Variants in MACROD2 observed in about 807,000 individuals in gnomAD.
MACROD2 encodes mono-ADP ribosylhydrolase 2.
MACROD2 carries 36 observed loss-of-function variants against 70.4 expected under a neutral mutation model. That is an observed-to-expected ratio of 0.51 (90% CI 0.39 to 0.68). The LOEUF is 0.68. MACROD2 is among the 30% of genes least tolerant of loss of function. The pLI is 0.00. For synonymous variants in MACROD2, 172 were observed against 178.8 expected, an observed-to-expected ratio of 0.96 and a Z score of 0.30; for missense variants, 496 against 538.4, an observed-to-expected ratio of 0.92 and a Z score of 0.78.
At chr20:15,358,844 T>A (rs1015474249) in intron 6 of MACROD2, among the ~76,000 whole-genome samples, 1 of 151,780 alleles carries the variant, frequency 6.6e-6, no homozygotes, top group Non-Finnish European at 1.5e-5. Context: ...AATTCCAACA[T>A]GAATGTGCCA....
chr20:15,081,290 C>T (rs1474301575), intron 5 of MACROD2, among the ~76,000 whole-genome samples: 4 of 152,162 alleles, frequency 2.6e-5, no homozygotes, highest in Non-Finnish European at 4.4e-5. Context: ...GCTATTTTGT[C>T]ATTACAACAA....
intron 7 of MACROD2, among the ~76,000 whole-genome samples, chr20:15,453,113 T>C (rs2046666251): frequency 6.6e-6 from 1 of 152,168 alleles, no homozygotes; most frequent in East Asian, 1.9e-4. Context: ...GTTTAGTCTT[T>C]ATTCAGAGGC....
At chr20:14,856,925 A>G (rs2122337799) in intron 5 of MACROD2, among the ~76,000 whole-genome samples, 1 of 152,222 alleles carries the variant, frequency 6.6e-6, no homozygotes, top group Admixed American at 6.5e-5. Context: ...GGTCTTCACA[A>G]TATATAATGT....
At chr20:15,301,817 T>C (rs77699041) in intron 6 of MACROD2, among the ~76,000 whole-genome samples, 8,722 of 152,046 alleles carry the variant, frequency 0.057, 846 homozygotes, top group African/African-American at 0.2. Context: ...TAGGCAGTTA[T>C]TTAGCTTTCC....
chr20:14,670,022 A>G (rs1600520538), intron 4 of MACROD2, among the ~76,000 whole-genome samples: 1 of 152,146 alleles, frequency 6.6e-6, no homozygotes, highest in East Asian at 1.9e-4. Flanking sequence ...GCTCTTGAGA[A>G]AGAACTGAAT....
At chr20:15,471,690 A>C (rs959183621) in intron 7 of MACROD2, among the ~76,000 whole-genome samples, 11 of 151,874 alleles carry the variant, frequency 7.2e-5, no homozygotes, top group African/African-American at 2.7e-4. Flanking sequence ...CTTCTTTTCC[A>C]CCACATTTTT....
At chr20:15,452,883 G>A (rs1242633370) in intron 7 of MACROD2, among the ~76,000 whole-genome samples, 2 of 152,164 alleles carry the variant, frequency 1.3e-5, no homozygotes, top group Non-Finnish European at 2.9e-5. Context: ...TTTCATAAAT[G>A]TTAAAGCCAC....
At chr20:15,964,346 G>A (rs6080059) in intron 12 of MACROD2, among the ~76,000 whole-genome samples, 5,341 of 152,194 alleles carry the variant, frequency 0.035, 134 homozygotes, top group African/African-American at 0.061. Context: ...AGCAGATTCG[G>A]TATCTGGTGA....
intron 5 of MACROD2, among the ~76,000 whole-genome samples, chr20:15,002,702 C>T (rs111881651): frequency 2.6e-5 from 4 of 152,040 alleles, no homozygotes; most frequent in Non-Finnish European, 4.4e-5. Context: ...GCCAAGAAAC[C>T]GCCATGATAA....
At chr20:15,297,125 T>C (rs2077597442) in intron 6 of MACROD2, among the ~76,000 whole-genome samples, 1 of 152,184 alleles carries the variant, frequency 6.6e-6, no homozygotes, top group Non-Finnish European at 1.5e-5. Context: ...CTCTTGATAT[T>C]GAGGGCCCCT....
intron 9 of MACROD2, among the ~76,000 whole-genome samples, chr20:15,869,092 C>G (rs1297560955): frequency 6.6e-6 from 1 of 151,422 alleles, no homozygotes; most frequent in East Asian, 1.9e-4. Flanking sequence ...ATGCCCAGCT[C>G]TAATCTCTTT....
intron 5 of MACROD2, among the ~76,000 whole-genome samples, chr20:15,045,892 G>T (rs997073477): frequency 2.7e-4 from 41 of 151,970 alleles, no homozygotes; most frequent in African/African-American, 9.4e-4. Context: ...GAACAGGAGA[G>T]CAGTATTTCT....
intron 5 of MACROD2, among the ~76,000 whole-genome samples, chr20:15,051,899 G>A (rs1371205114): frequency 1.3e-5 from 2 of 151,868 alleles, no homozygotes; most frequent in Admixed American, 6.6e-5. Context: ...CTACAGGCAC[G>A]CGCCACTACG....
intron 8 of MACROD2, among the ~76,000 whole-genome samples, chr20:15,523,182 T>G (rs143873854): frequency 2.0e-5 from 3 of 152,342 alleles, no homozygotes; most frequent in African/African-American, 7.2e-5. Context: ...CCTGACTCCA[T>G]ATGATTTAAA....
rs76858087 is a variant in MACROD2, at chr20:14,419,619, A to C, written c.272-73860A>C. ...TACCTTTATTGTAAAATATTTTAAA[A>C]ATGTACTTCTATTTTTAAATTATAA... On this transcript the variant is annotated intron_variant, in intron 3 of 17. Coordinates refer to ENST00000684519, the MANE Select transcript of MACROD2 (RefSeq NM_001351661.2). 4.5e-4 allele frequency among the ~76,000 whole-genome samples: 68 copies of C among 152,288 alleles called. 1 individual carries two copies. In the East Asian group the frequency reaches 0.012, roughly 28 times the overall value.
rs374371952 is a variant in MACROD2 at position 14,419,154 on chromosome 20, A to G, written c.272-74325A>G. ...ACCGCAACCTTCGCCTCCTGGGTTC[A>G]AGTGATTCTCCTGGCTTAGCCTCCT... is the stretch of plus-strand genomic sequence containing the variant. On this transcript the variant is annotated intron_variant, in intron 3 of 17. Coordinates refer to ENST00000684519, the MANE Select transcript of MACROD2 (RefSeq NM_001351661.2). Among the ~76,000 whole-genome samples the G allele has an allele frequency of 7.2e-5, 11 of 152,108 alleles. No homozygotes were observed. The East Asian group carries it at 1.5e-3, about 21-fold the overall frequency.
intron 3 of MACROD2, among the ~76,000 whole-genome samples, chr20:14,089,962 A>G (rs982848724): frequency 1.3e-5 from 2 of 152,170 alleles, no homozygotes; most frequent in Non-Finnish European, 2.9e-5. Context: ...AGTTTGGGGT[A>G]TGACTGATCC....
intron 8 of MACROD2, among the ~76,000 whole-genome samples, chr20:15,536,002 C>T (rs561232163): frequency 1.3e-5 from 2 of 152,230 alleles, no homozygotes; most frequent in Admixed American, 1.3e-4. Flanking sequence ...TCACAGTGGA[C>T]ACCTCAAGGT....
intron 5 of MACROD2, among the ~76,000 whole-genome samples, chr20:14,701,309 C>T (rs986148690): frequency 7.2e-5 from 11 of 152,100 alleles, no homozygotes; most frequent in Admixed American, 6.5e-4. Context: ...CACTTTCTCC[C>T]ACCTTTTCAT....
Sources: gnomAD v4.1 joint callset for allele counts (sites outside exome capture counted in the v4.1 genomes callset) on GRCh38, gnomAD v4.1.1 for gene constraint, MANE v1.5 for transcripts, NCBI Gene and HGNC (gene_info 2026-07-23, HGNC 2026-07-21) for gene names.